PLEKHH2: variants seen among roughly 807,000 people sequenced by gnomAD.
The protein encoded by PLEKHH2 is pleckstrin homology, MyTH4 and FERM domain containing H2, also known as pleckstrin homology domain-containing family H member 2.
A neutral mutation model predicts 187.9 loss-of-function variants in PLEKHH2; 129 were observed. The observed-to-expected ratio is 0.69, with a 90% CI of 0.59 to 0.79. The LOEUF is 0.79. Among genes scored for constraint, PLEKHH2 ranks in the 30% least tolerant of loss-of-function variants. The pLI, the probability that PLEKHH2 is intolerant of heterozygous loss-of-function variation, is 0.00. For synonymous variants in PLEKHH2, 686 were observed against 605.6 expected, an observed-to-expected ratio of 1.13 and a Z score of -1.95; for missense variants, 2,076 against 1,751.2, an observed-to-expected ratio of 1.19 and a Z score of -3.31.
chr2:43,694,359 A>G (rs1183203709), intron 4 of PLEKHH2, 72 bp from the exon 5 acceptor site: 4 of 1,457,116 alleles, frequency 2.7e-6, no homozygotes, highest in East Asian at 5.2e-5. Flanking sequence ...TATGCCTTGT[A>G]TATTTATGGT....
intron 27 of PLEKHH2, among the ~76,000 whole-genome samples, chr2:43,761,410 C>CTTTTTT (rs568339874): frequency 3.4e-5 from 4 of 117,682 alleles, no homozygotes; most frequent in South Asian, 2.7e-4. Flanking sequence ...TAGCTTTTAG[C>CTTTTTT]TTTTTTTTTT....
intron 27 of PLEKHH2, among the ~76,000 whole-genome samples, chr2:43,760,834 C>G (rs2104627696): frequency 6.6e-6 from 1 of 152,346 alleles, no homozygotes; most frequent in Non-Finnish European, 1.5e-5. Context: ...ACTCTACTTT[C>G]TGTCTCTATG....
At chr2:43,656,934 G>T (rs751404424) in intron 2 of PLEKHH2, among the ~76,000 whole-genome samples, 1 of 152,160 alleles carries the variant, frequency 6.6e-6, no homozygotes, top group Non-Finnish European at 1.5e-5. Context: ...CAGAAGAATC[G>T]CTTGAGCCCG....
chr2:43,682,579 A>G (rs1668256666), intron 3 of PLEKHH2, among the ~76,000 whole-genome samples: 1 of 152,222 alleles, frequency 6.6e-6, no homozygotes, highest in Non-Finnish European at 1.5e-5. Context: ...TGCTGGGATT[A>G]CAGGCATGAG....
In PLEKHH2 at chr2:43,678,859, A is replaced by G. The variant is rs1281260508; in HGVS notation, c.124-4A>G. On this transcript the variant is annotated splice_region_variant and splice_polypyrimidine_tract_variant and intron_variant, in intron 2 of 29. Coordinates refer to ENST00000282406, the MANE Select transcript of PLEKHH2 (RefSeq NM_172069.4). ...TTGTATTTATATTTTCCCTCACTCT[A>G]CAGATGCAACAGCTTGAGAGACAAG... 2 of 1,597,248 alleles carry G rather than the reference A, an allele frequency of 1.3e-6. No homozygotes were observed. The highest frequency in any genetic ancestry group is 1.7e-5 in the Admixed American group (1 of 59,680).
At chr2:43,693,373 G>T (rs973262655) in intron 4 of PLEKHH2, among the ~76,000 whole-genome samples, 2 of 152,150 alleles carry the variant, frequency 1.3e-5, no homozygotes, top group East Asian at 3.8e-4. Context: ...ATTTATATTT[G>T]ATGCCAATCC....
At chr2:43,738,127 C>T (rs1337579941) in intron 19 of PLEKHH2, among the ~76,000 whole-genome samples, 2 of 152,150 alleles carry the variant, frequency 1.3e-5, no homozygotes, top group African/African-American at 2.4e-5. Context: ...TATAAAATGA[C>T]CCTCTTTATC....
Position 43,697,166 on chromosome 2 carries a change from T to C in PLEKHH2, c.503-5T>C. On this transcript the variant is annotated splice_polypyrimidine_tract_variant and splice_region_variant and intron_variant, in intron 6 of 29. Transcript: ENST00000282406. ...AAATCTTAATTTTGATTAACGATGTTGTAGAAGTTCAAGGAAAGAAGTCAT... is the reference window on the plus strand; with the variant it reads ...AAATCTTAATTTTGATTAACGATGTCGTAGAAGTTCAAGGAAAGAAGTCAT... 1 of 1,560,856 alleles carries C rather than the reference T, an allele frequency of 6.4e-7. No homozygotes were observed.
At chr2:43,712,579 T>A (rs1670020300) in intron 15 of PLEKHH2, among the ~76,000 whole-genome samples, 196 bp downstream of exon 15, 1 of 152,200 alleles carries the variant, frequency 6.6e-6, no homozygotes, top group African/African-American at 2.4e-5. Context: ...CTATAATATG[T>A]AAAAATGTAA....
intron 11 of PLEKHH2, among the ~76,000 whole-genome samples, chr2:43,707,798 G>A (rs544704458): frequency 6.6e-6 from 1 of 150,686 alleles, no homozygotes; most frequent in African/African-American, 2.4e-5. Context: ...CTTTATTGTT[G>A]GAATGAAGTG....
intron 27 of PLEKHH2, among the ~76,000 whole-genome samples, chr2:43,761,819 G>T (rs1271488929): frequency 6.6e-6 from 1 of 152,020 alleles, no homozygotes; most frequent in Admixed American, 6.6e-5. Flanking sequence ...ATTACACATT[G>T]AATATCAGAT....
intron 3 of PLEKHH2, among the ~76,000 whole-genome samples, chr2:43,684,624 A>C (rs1433345053): frequency 2.0e-5 from 3 of 152,104 alleles, no homozygotes; most frequent in Non-Finnish European, 2.9e-5. Flanking sequence ...TCCCGATTCA[A>C]GGGAAGCAAA....
At chr2:43,668,752 C>A (rs1266504557) in intron 2 of PLEKHH2, among the ~76,000 whole-genome samples, 1 of 152,122 alleles carries the variant, frequency 6.6e-6, no homozygotes, top group Non-Finnish European at 1.5e-5. Flanking sequence ...GAGGGAGGAT[C>A]CCTTGAGCCC....
rs369841602 is a variant in PLEKHH2 at position 43,682,986 on chromosome 2, T to TA, written c.186+4062dup. On this transcript the variant is annotated intron_variant, in intron 3 of 29. Coordinates refer to ENST00000282406, the MANE Select transcript of PLEKHH2 (RefSeq NM_172069.4). ...CAATTTGTTTATCCATTTGACTTTTTATGGACATTGTCTTTTTATGGACTT... is the reference window on the plus strand; with the variant it reads ...CAATTTGTTTATCCATTTGACTTTTTAATGGACATTGTCTTTTTATGGACTT... 1.1e-4 allele frequency among the ~76,000 whole-genome samples: 17 copies of TA among 152,252 alleles called. No individual in the cohort carries two copies. The East Asian group carries it at 3.3e-3, about 29-fold the overall frequency.
At chr2:43,745,785 T>C (rs1572654172) in intron 23 of PLEKHH2, 81 bp from the exon 24 acceptor site, 18 of 1,016,670 alleles carry the variant, frequency 1.8e-5, no homozygotes, top group Non-Finnish European at 2.4e-5. Context: ...AATTGAAAAA[T>C]TTCAGTCTGC....
chr2:43,723,674 C>T (rs1594581), intron 16 of PLEKHH2, among the ~76,000 whole-genome samples: 26,843 of 152,142 alleles, frequency 0.18, 2,803 homozygotes, highest in Middle Eastern at 0.29. Flanking sequence ...GCACCTGCTG[C>T]TTTTAAAAAT....
At chr2:43,715,143 G>C (rs1170894729) in intron 15 of PLEKHH2, among the ~76,000 whole-genome samples, 2 of 152,080 alleles carry the variant, frequency 1.3e-5, no homozygotes, top group African/African-American at 4.8e-5. Context: ...AGGCATGCTG[G>C]CGGGCACCTG....
intron 2 of PLEKHH2, chr2:43,675,229 T>C (rs1366298546): frequency 8.2e-6 from 4 of 488,842 alleles, no homozygotes; most frequent in African/African-American, 2.0e-5. Context: ...GAAATATTAC[T>C]GAGATGTTTT....
chr2:43,738,322 C>CT lies in PLEKHH2; in HGVS notation c.2944-12dup. ...TAATCACTCCTCACCTTGAATATAT[C>CT]TTTTTTTGTTTAATTCAGACCTGCC... On this transcript the variant is annotated intron_variant, in intron 19 of 29. Coordinates refer to ENST00000282406, the MANE Select transcript of PLEKHH2 (RefSeq NM_172069.4). 2 of 1,584,430 alleles carry CT rather than the reference C, an allele frequency of 1.3e-6. No homozygotes were observed. Among genetic ancestry groups the CT allele is most frequent in the Non-Finnish European group, 1.7e-6 (2 of 1,159,128 alleles).
Sources: allele counts gnomAD v4.1 joint callset (sites outside exome capture counted in the v4.1 genomes callset), GRCh38; gene constraint gnomAD v4.1.1; transcripts MANE v1.5; gene names NCBI Gene and HGNC (gene_info 2026-07-23, HGNC 2026-07-21).